TENT2: variants seen among roughly 807,000 people sequenced by gnomAD.
TENT2 encodes the protein poly(A) RNA polymerase GLD2.
TENT2 carries 44 observed loss-of-function variants against 72.2 expected under a neutral mutation model. The ratio of observed to expected loss-of-function variants is 0.61; its 90% confidence interval spans 0.48 to 0.78. The LOEUF is 0.78. Ranked by LOEUF, TENT2 falls within the 30% of genes least tolerant of loss-of-function variation. TENT2 has a pLI of 0.00. For synonymous variants in TENT2, 212 were observed against 192.5 expected (o/e 1.10, Z -0.84); for missense variants, 541 against 569.6 (o/e 0.95, Z 0.51).
At chr5:79,681,541 C>T (rs969067207) in intron 13 of TENT2, 2 of 153,750 alleles carry the variant, frequency 1.3e-5, no homozygotes, top group Admixed American at 1.3e-4. Flanking sequence ...TATTGAACCT[C>T]TACCTTCAAA....
At chr5:79,676,457 C>T (rs1228812274) in intron 12 of TENT2, among the ~76,000 whole-genome samples, 1 of 151,940 alleles carries the variant, frequency 6.6e-6, no homozygotes, top group Non-Finnish European at 1.5e-5. Flanking sequence ...TGGTGGTGGG[C>T]GCCTGTAATC....
chr5:79,639,679 T>C (rs922455486), intron 4 of TENT2, among the ~76,000 whole-genome samples: 17 of 152,140 alleles, frequency 1.1e-4, no homozygotes, highest in Admixed American at 9.2e-4. Flanking sequence ...AATCTAGATC[T>C]CTTGTGGTTC....
chr5:79,673,128 T>G (rs1157104822), intron 12 of TENT2, among the ~76,000 whole-genome samples: 1 of 152,232 alleles, frequency 6.6e-6, no homozygotes, highest in Non-Finnish European at 1.5e-5. Context: ...TCTGTCCGTG[T>G]TTTAATTGGA....
Position 79,649,070 on chromosome 5 carries a change from C to A in TENT2, c.907C>A (p.Arg303=). 1.2e-6 allele frequency: 2 copies of A among 1,612,924 alleles called. No individual in the cohort carries two copies. Among genetic ancestry groups the A allele is most frequent in the Non-Finnish European group, 1.7e-6 (2 of 1,179,350 alleles). The part of the protein sequence containing the change: ...LLRTYAYLEN[R]VRPLVLVIKK... Reference sequence around the variant, plus strand: ...TTTAATTTTACTTTCAGTTGAAAATCGAGTTCGTCCGTTAGTGCTGGTGAT... The same window carrying A: ...TTTAATTTTACTTTCAGTTGAAAATAGAGTTCGTCCGTTAGTGCTGGTGAT... The change falls in exon 10 of 15, where the codon CGA becomes AGA. Residue 303 remains arginine, a synonymous_variant. Coordinates refer to ENST00000453514, the MANE Select transcript of TENT2 (RefSeq NM_001114394.3).
At chr5:79,659,894 G>A (rs959306386) in intron 11 of TENT2, among the ~76,000 whole-genome samples, 3 of 151,612 alleles carry the variant, frequency 2.0e-5, no homozygotes, top group Non-Finnish European at 2.9e-5. Flanking sequence ...ACCTTTAAGG[G>A]CAGCAGTTAC....
chr5:79,621,552 A>G lies in TENT2; in HGVS notation c.227+1469A>G, dbSNP rs568705443. 1.1e-4 allele frequency among the ~76,000 whole-genome samples: 17 copies of G among 151,934 alleles called. No individual in the cohort carries two copies. In the South Asian group the frequency reaches 3.3e-3, roughly 30 times the overall value. On this transcript the variant is annotated intron_variant, in intron 3 of 14. Transcript: ENST00000453514. Reference sequence around the variant, plus strand: ...GGCAGGCAGATCACGAGGTCAGGAGATCGAGACCATCCTGGCTAACACAGT... The same window carrying G: ...GGCAGGCAGATCACGAGGTCAGGAGGTCGAGACCATCCTGGCTAACACAGT...
At chr5:79,646,488 C>T (rs1198037040) in intron 8 of TENT2, among the ~76,000 whole-genome samples, 2 of 152,098 alleles carry the variant, frequency 1.3e-5, no homozygotes, top group Non-Finnish European at 2.9e-5. Context: ...TGAATGATGA[C>T]TGAATATATA....
At chr5:79,614,425 C>T (rs6883691) in intron 1 of TENT2, among the ~76,000 whole-genome samples, 30,838 of 152,062 alleles carry the variant, frequency 0.2, 4,617 homozygotes, top group African/African-American at 0.42. Flanking sequence ...TCTTTTACTA[C>T]CTTGTCTCAT....
intron 12 of TENT2, among the ~76,000 whole-genome samples, chr5:79,672,111 AAAC>A (rs2150728703): frequency 6.6e-6 from 1 of 151,876 alleles, no homozygotes; most frequent in African/African-American, 2.4e-5. Context: ...TCAAAAAAAA[AAAC>A]AAAAAACTAT....
At chr5:79,622,807 T>TTTC (rs1766164328) in intron 3 of TENT2, among the ~76,000 whole-genome samples, 1 of 152,176 alleles carries the variant, frequency 6.6e-6, no homozygotes, top group African/African-American at 2.4e-5. Context: ...TTGAAAAGTG[T>TTTC]TTCTTAATTG....
intron 10 of TENT2, among the ~76,000 whole-genome samples, chr5:79,651,155 A>AT (rs1793650415): frequency 6.6e-6 from 1 of 151,794 alleles, no homozygotes. Flanking sequence ...TATTTGTTTT[A>AT]TTTTTTCTGG....
intron 10 of TENT2, among the ~76,000 whole-genome samples, chr5:79,651,769 GA>G (rs1480997068): frequency 1.3e-5 from 2 of 152,010 alleles, no homozygotes; most frequent in Non-Finnish European, 2.9e-5. Flanking sequence ...TTTGTCTGGA[GA>G]TAGGGTGCCA....
intron 10 of TENT2, among the ~76,000 whole-genome samples, chr5:79,655,493 G>A (rs1797272135): frequency 6.6e-6 from 1 of 151,856 alleles, no homozygotes; most frequent in African/African-American, 2.4e-5. Context: ...GTATTGAATG[G>A]GAAAGGTATT....
In TENT2 at chr5:79,622,737, A is replaced by G. The variant is rs149461275; in HGVS notation, c.228-515A>G. Among the ~76,000 whole-genome samples the G allele has an allele frequency of 6.9e-4, 105 of 152,260 alleles. 1 individual carries two copies. In the East Asian group the frequency reaches 0.012, roughly 17 times the overall value. On this transcript the variant is annotated intron_variant, in intron 3 of 14. Transcript: ENST00000453514. ...AGAAATTTAATATTAATAAAATACT[A>G]TTATCTGAGTTGCAGCTCATTTTTG...
intron 4 of TENT2, among the ~76,000 whole-genome samples, chr5:79,627,759 ATAGGTGTGATCCACCACGC>A (rs1398216025): frequency 6.6e-6 from 1 of 152,222 alleles, no homozygotes; most frequent in African/African-American, 2.4e-5. Context: ...TGCTGGGTTT[ATAGGTGTGATCCACCACGC>A]CTGGCTGGAA....
intron 8 of TENT2, among the ~76,000 whole-genome samples, chr5:79,645,528 A>T (rs2150062823): frequency 6.6e-6 from 1 of 152,312 alleles, no homozygotes; most frequent in African/African-American, 2.4e-5. Flanking sequence ...ATGTACTAAT[A>T]TCAAGGGGTT....
intron 1 of TENT2, among the ~76,000 whole-genome samples, chr5:79,616,890 T>G (rs1025972299): frequency 2.0e-5 from 3 of 152,228 alleles, no homozygotes; most frequent in Admixed American, 2.0e-4. Flanking sequence ...CAATCTGTTA[T>G]GAACCCTGGA....
rs1387335530 is a variant in TENT2 at position 79,648,699 on chromosome 5, TTTG to T, written c.898+12_898+14del. ...TCTCAGAACTTATGCATACCGTAAGTTTGTTGTTTGTTTATTAAAAATTAGCCT... is the reference window on the plus strand; with the variant it reads ...TCTCAGAACTTATGCATACCGTAAGTTTGTTTGTTTATTAAAAATTAGCCT... On this transcript the variant is annotated splice_region_variant and intron_variant, in intron 9 of 14. Coordinates refer to ENST00000453514, the MANE Select transcript of TENT2 (RefSeq NM_001114394.3). The T allele has an allele frequency of 1.1e-5, 17 of 1,564,248 alleles. No individual in the cohort carries two copies. Among genetic ancestry groups the T allele is most frequent in the African/African-American group, 2.8e-5 (2 of 72,520 alleles).
At chr5:79,661,882 C>A (rs1301616060) in intron 11 of TENT2, among the ~76,000 whole-genome samples, 1 of 152,172 alleles carries the variant, frequency 6.6e-6, no homozygotes, top group Non-Finnish European at 1.5e-5. Flanking sequence ...TACAGTAGAA[C>A]GTCCTTTAAA....
Sources: allele counts gnomAD v4.1 joint callset (sites outside exome capture counted in the v4.1 genomes callset), GRCh38; gene constraint gnomAD v4.1.1; transcripts MANE v1.5; gene names NCBI Gene and HGNC (gene_info 2026-07-23, HGNC 2026-07-21).